Variants in NUDT3 observed in about 807,000 individuals in gnomAD.
NUDT3 encodes diphosphoinositol polyphosphate phosphohydrolase 1.
NUDT3 carries 9 observed loss-of-function variants against 23.6 expected under a neutral mutation model. That is an observed-to-expected ratio of 0.38 (90% CI 0.23 to 0.66). NUDT3 has a LOEUF of 0.66. Ranked by LOEUF, NUDT3 falls within the 30% of genes least tolerant of loss-of-function variation. The probability of loss-of-function intolerance (pLI) is 0.52; values close to 1 mark genes in which losing one functional copy is unlikely to be tolerated. For synonymous variants in NUDT3, 86 were observed against 82.6 expected (o/e 1.04, Z -0.22); for missense variants, 172 against 218.5 (o/e 0.79, Z 1.34).
At chr6:34,313,280 CT>C (rs1763803851) in intron 2 of NUDT3, among the ~76,000 whole-genome samples, 1 of 152,046 alleles carries the variant, frequency 6.6e-6, no homozygotes, top group Non-Finnish European at 1.5e-5. Flanking sequence ...TATATTCCAA[CT>C]ATAAGACATT....
At chr6:34,362,310 C>G (rs1271367001) in intron 1 of NUDT3, among the ~76,000 whole-genome samples, 1 of 152,114 alleles carries the variant, frequency 6.6e-6, no homozygotes, top group Admixed American at 6.6e-5. Context: ...TCCGGAGTAG[C>G]TGGGACTACA....
intron 2 of NUDT3, among the ~76,000 whole-genome samples, chr6:34,322,712 T>C (rs1416095364): frequency 2.6e-5 from 4 of 152,230 alleles, no homozygotes; most frequent in Non-Finnish European, 5.9e-5. Context: ...CATTTGAATA[T>C]AGAGTCAATA....
intron 1 of NUDT3, among the ~76,000 whole-genome samples, chr6:34,343,063 G>A (rs1343358612): frequency 3.3e-5 from 5 of 152,082 alleles, no homozygotes; most frequent in Non-Finnish European, 7.4e-5. Context: ...ATGGTGTTAT[G>A]GGAAGGAAAT....
chr6:34,381,326 T>C (rs958609496), intron 1 of NUDT3, among the ~76,000 whole-genome samples: 4 of 152,120 alleles, frequency 2.6e-5, no homozygotes, highest in African/African-American at 9.7e-5. Context: ...CTAAATTGCA[T>C]CTTGCCAGTA....
rs1763453435 is a variant in NUDT3, at chr6:34,293,463, A to C, written c.328T>G (p.Ser110Ala). 2 of 1,614,168 alleles carry C rather than the reference A, an allele frequency of 1.2e-6. No individual in the cohort carries two copies. The highest frequency in any genetic ancestry group is 1.7e-6 in the Non-Finnish European group (2 of 1,180,006). The stretch of plus-strand genomic sequence containing the variant: ...GGAGATGGCTTACCAATGTTAACTG[A>C]ATCTTCCCAGTCTTCCAGCACTTCA... ...VTEVLEDWEDSVNIGRKREWF... is the reference protein window; with the variant it reads ...VTEVLEDWEDAVNIGRKREWF... The change falls in exon 4 of 5, where the codon TCA (serine) becomes GCA (alanine). Residue 110 changes from serine (S) to alanine (A), a missense_variant. Transcript: ENST00000607016.
intron 2 of NUDT3, among the ~76,000 whole-genome samples, chr6:34,327,267 T>C (rs1440157870): frequency 6.6e-6 from 1 of 151,794 alleles, no homozygotes; most frequent in Non-Finnish European, 1.5e-5. Flanking sequence ...GCGCGGTGGC[T>C]CACCTGTAAT....
At position 34,374,384 on chromosome 6, in the gene NUDT3, C is replaced by G. The variant is rs1213831400; in HGVS notation, c.99+17880G>C. ...CACAAATGTAAAGATTCTATAACTT[C>G]AGGTCTTCCTCTCTTTCCATAAAAG... On this transcript the variant is annotated intron_variant, in intron 1 of 4. Coordinates refer to ENST00000607016, the MANE Select transcript of NUDT3 (RefSeq NM_006703.4). 2.0e-5 allele frequency among the ~76,000 whole-genome samples: 3 copies of G among 152,134 alleles called. No homozygotes were observed. The South Asian group carries it at 6.2e-4, about 32-fold the overall frequency.
chr6:34,374,156 C>CAAAAAAAAAAA (rs397888346), intron 1 of NUDT3, among the ~76,000 whole-genome samples: 7 of 64,714 alleles, frequency 1.1e-4, no homozygotes, highest in South Asian at 1.1e-3. Context: ...GGCTCCCTCT[C>CAAAAAAAAAAA]AAAAAAAAAA....
chr6:34,332,519 C>G (rs1447962437), intron 2 of NUDT3, among the ~76,000 whole-genome samples: 2 of 152,110 alleles, frequency 1.3e-5, no homozygotes, highest in African/African-American at 4.8e-5. Flanking sequence ...GTAACTTTTA[C>G]TGGAAAAAAA....
At chr6:34,389,688 G>T (rs2113774454) in intron 1 of NUDT3, among the ~76,000 whole-genome samples, 1 of 152,158 alleles carries the variant, frequency 6.6e-6, no homozygotes, top group South Asian at 2.1e-4. Context: ...TAAAGGTCGG[G>T]CACAGTGGCT....
chr6:34,318,665 T>C (rs1763896013), intron 2 of NUDT3, among the ~76,000 whole-genome samples: 1 of 152,184 alleles, frequency 6.6e-6, no homozygotes, highest in Non-Finnish European at 1.5e-5. Flanking sequence ...ATTTAGACTG[T>C]TTCTAATTTT....
intron 1 of NUDT3, among the ~76,000 whole-genome samples, chr6:34,358,291 A>ACACC (rs1305207158): frequency 2.0e-5 from 3 of 150,080 alleles, no homozygotes; most frequent in East Asian, 3.9e-4. Context: ...ACACACACAC[A>ACACC]CCCCTTATAA....
chr6:34,382,072 CAA>C (rs957166787), intron 1 of NUDT3, among the ~76,000 whole-genome samples: 425 of 34,898 alleles, frequency 0.012, no homozygotes, highest in African/African-American at 0.019. Context: ...GACTCTATCT[CAA>C]AAAAAAAAAA....
chr6:34,361,386 T>C (rs1384216294), intron 1 of NUDT3, among the ~76,000 whole-genome samples: 1 of 152,014 alleles, frequency 6.6e-6, no homozygotes, highest in Non-Finnish European at 1.5e-5. Flanking sequence ...CAAATGCTGG[T>C]GGGGATGTGG....
chr6:34,349,800 G>C (rs1764438625), intron 1 of NUDT3, among the ~76,000 whole-genome samples: 1 of 150,628 alleles, frequency 6.6e-6, no homozygotes. Context: ...AAATAAATTA[G>C]ATTATCTAGG....
intron 1 of NUDT3, 123 bp from the exon 2 acceptor site, chr6:34,342,095 A>C: frequency 1.2e-6 from 1 of 815,398 alleles, no homozygotes; most frequent in South Asian, 1.9e-5. Context: ...ATGCCTTCCC[A>C]AATCACTTCT....
chr6:34,324,611 T>C (rs1303257581), intron 2 of NUDT3, among the ~76,000 whole-genome samples: 1 of 152,222 alleles, frequency 6.6e-6, no homozygotes, highest in African/African-American at 2.4e-5. Context: ...ATCACTCTAA[T>C]GGTCTTAGTC....
At chr6:34,385,141 C>A (rs1365419695) in intron 1 of NUDT3, among the ~76,000 whole-genome samples, 1 of 151,274 alleles carries the variant, frequency 6.6e-6, no homozygotes, top group African/African-American at 2.4e-5. Flanking sequence ...ATATTATGTG[C>A]AAAGAGGAAG....
intron 1 of NUDT3, among the ~76,000 whole-genome samples, chr6:34,392,005 A>T (rs1765210179): frequency 6.6e-6 from 1 of 152,028 alleles, no homozygotes; most frequent in Non-Finnish European, 1.5e-5. Flanking sequence ...CAGGCGGCGG[A>T]ACCGAAGCGC....
Sources: gnomAD v4.1 joint callset for allele counts (sites outside exome capture counted in the v4.1 genomes callset) on GRCh38, gnomAD v4.1.1 for gene constraint, MANE v1.5 for transcripts, NCBI Gene and HGNC (gene_info 2026-07-23, HGNC 2026-07-21) for gene names.